GRM5: variants seen among roughly 807,000 people sequenced by gnomAD.
GRM5 encodes metabotropic glutamate receptor 5.
A neutral mutation model predicts 83.1 loss-of-function variants in GRM5; 19 were observed. The observed-to-expected ratio is 0.23, with a 90% CI of 0.16 to 0.34. The LOEUF is 0.34. GRM5 is among the 10% of genes least tolerant of loss of function. The pLI is 1.00. For synonymous variants in GRM5, 675 were observed against 633.6 expected (o/e 1.07, Z -0.98); for missense variants, 1,160 against 1,588.3 (o/e 0.73, Z 4.58).
intron 4 of GRM5, among the ~76,000 whole-genome samples, chr11:88,610,470 A>AT (rs1938283089): frequency 6.6e-6 from 1 of 151,850 alleles, no homozygotes; most frequent in Non-Finnish European, 1.5e-5. Context: ...CCTTATTATT[A>AT]TTTTTGGCTA....
intron 3 of GRM5, among the ~76,000 whole-genome samples, chr11:88,810,577 G>A (rs113144291): frequency 1.3e-5 from 2 of 152,180 alleles, no homozygotes; most frequent in African/African-American, 4.8e-5. Context: ...TAAGCATCCT[G>A]AAGAAGGCAT....
intron 3 of GRM5, among the ~76,000 whole-genome samples, chr11:88,790,354 G>A (rs554041239): frequency 6.6e-6 from 1 of 152,172 alleles, no homozygotes; most frequent in South Asian, 2.1e-4. Context: ...TTTGACTTGA[G>A]TAACATAATT....
chr11:88,605,998 T>G (rs1465832174), intron 4 of GRM5, among the ~76,000 whole-genome samples: 1 of 152,168 alleles, frequency 6.6e-6, no homozygotes, highest in Non-Finnish European at 1.5e-5. Flanking sequence ...CAGGACTGAA[T>G]AGTGAATCAG....
At chr11:89,046,014 A>G (rs1941635109) in intron 2 of GRM5, among the ~76,000 whole-genome samples, 2 of 152,160 alleles carry the variant, frequency 1.3e-5, no homozygotes. Context: ...CTTTAGAGTC[A>G]GATTTGTAAC....
At chr11:88,624,731 G>C (rs957811540) in intron 4 of GRM5, among the ~76,000 whole-genome samples, 1 of 152,142 alleles carries the variant, frequency 6.6e-6, no homozygotes, top group Non-Finnish European at 1.5e-5. Flanking sequence ...CCTTATTGCA[G>C]AAAATTTGCT....
intron 3 of GRM5, among the ~76,000 whole-genome samples, chr11:88,846,909 T>C (rs572643586): frequency 4.3e-4 from 66 of 152,240 alleles, no homozygotes; most frequent in African/African-American, 1.5e-3. Flanking sequence ...TTTAAAAAAA[T>C]AAACTCAGGT....
chr11:89,040,140 T>TA lies in GRM5; in HGVS notation c.661+7071dup, dbSNP rs201655401. On this transcript the variant is annotated intron_variant, in intron 2 of 9. Transcript: ENST00000305447. ...ACATTCTTTGTAGTGCCTGTTTGTATAAAAAAAAAAGATGCAAGGAGTTGA... is the reference window on the plus strand; with the variant it reads ...ACATTCTTTGTAGTGCCTGTTTGTATAAAAAAAAAAAGATGCAAGGAGTTGA... Among the ~76,000 whole-genome samples the TA allele has an allele frequency of 3.3e-3, 493 of 147,456 alleles. 3 individuals carry two copies. Among genetic ancestry groups the TA allele is most frequent in the African/African-American group, 8.9e-3 (358 of 40,434 alleles).
rs192583537 is a variant in GRM5 at position 88,753,580 on chromosome 11, T to G, written c.911+96326A>C. Among the ~76,000 whole-genome samples the G allele has an allele frequency of 1.6e-3, 250 of 152,182 alleles. 2 individuals are homozygous for G. The highest frequency in any genetic ancestry group is 5.4e-3 in the African/African-American group (223 of 41,514). Reference sequence around the variant, plus strand: ...AGCAATCCCATTACTAGGTACATACTCAAAGGAATATAAACCATTATATTA... The same window carrying G: ...AGCAATCCCATTACTAGGTACATACGCAAAGGAATATAAACCATTATATTA... On this transcript the variant is annotated intron_variant, in intron 3 of 9. Coordinates refer to ENST00000305447, the MANE Select transcript of GRM5 (RefSeq NM_001143831.3).
chr11:88,552,694 A>G (rs1942538333), intron 8 of GRM5, among the ~76,000 whole-genome samples: 2 of 152,070 alleles, frequency 1.3e-5, no homozygotes, highest in Non-Finnish European at 1.5e-5. Flanking sequence ...AGGAGGAAAA[A>G]CAGTCCATAG....
At chr11:88,663,764 T>C (rs2135321172) in intron 3 of GRM5, among the ~76,000 whole-genome samples, 1 of 152,298 alleles carries the variant, frequency 6.6e-6, no homozygotes, top group Middle Eastern at 3.4e-3. Flanking sequence ...CTCCTCTTCT[T>C]AATTGCCTCT....
In GRM5 at chr11:89,058,794, G is replaced by C. The variant is rs189527983; in HGVS notation, c.-201+6982C>G. ...AATGAATGTGAGGAGAGTATCCTAC[G>C]ATATACTTCCCGAATTCAAAGGCTG... On this transcript the variant is annotated intron_variant, in intron 1 of 9. Coordinates refer to ENST00000305447, the MANE Select transcript of GRM5 (RefSeq NM_001143831.3). 1.5e-3 allele frequency among the ~76,000 whole-genome samples: 230 copies of C among 152,196 alleles called. 1 individual carries two copies. The highest frequency in any genetic ancestry group is 1.8e-3 in the Non-Finnish European group (120 of 67,998).
intron 2 of GRM5, among the ~76,000 whole-genome samples, chr11:88,930,736 A>G (rs1937676143): frequency 6.6e-6 from 1 of 151,988 alleles, no homozygotes; most frequent in Non-Finnish European, 1.5e-5. Flanking sequence ...TTTAGTAGAG[A>G]TGGGGTTTCA....
At chr11:88,984,116 A>G (rs1418536099) in intron 2 of GRM5, among the ~76,000 whole-genome samples, 1 of 152,088 alleles carries the variant, frequency 6.6e-6, no homozygotes, top group African/African-American at 2.4e-5. Flanking sequence ...GTCTTAATAA[A>G]TTTAGTATGG....
intron 2 of GRM5, among the ~76,000 whole-genome samples, chr11:89,029,838 G>A (rs1941219562): frequency 6.6e-6 from 1 of 152,184 alleles, no homozygotes; most frequent in Non-Finnish European, 1.5e-5. Context: ...CGGTAAGGTG[G>A]TTAGCTGGGT....
chr11:88,659,784 T>C (rs1939857057), intron 3 of GRM5, among the ~76,000 whole-genome samples: 1 of 152,172 alleles, frequency 6.6e-6, no homozygotes, highest in Admixed American at 6.5e-5. Flanking sequence ...ATTACGAAGA[T>C]AAAAGTCTAA....
intron 3 of GRM5, among the ~76,000 whole-genome samples, chr11:88,795,326 A>G (rs1943256635): frequency 6.6e-6 from 1 of 152,194 alleles, no homozygotes; most frequent in African/African-American, 2.4e-5. Flanking sequence ...ATGCTACATA[A>G]TAGTGGCTAC....
rs927592084 is a variant in GRM5 at position 88,854,077 on chromosome 11, T to TATATATATATATATATATAC, written c.662-3923_662-3922insGTATATATATATATATATAT. Among the ~76,000 whole-genome samples, 24 of 149,354 alleles carry TATATATATATATATATATAC rather than the reference T, an allele frequency of 1.6e-4. No individual in the cohort carries two copies. The East Asian group carries it at 2.8e-3, about 17-fold the overall frequency. On this transcript the variant is annotated intron_variant, in intron 2 of 9. Coordinates refer to ENST00000305447, the MANE Select transcript of GRM5 (RefSeq NM_001143831.3). Reference sequence around the variant, plus strand: ...TGTGGTGTATATATATATATATATATACACAATGAAATACTAGTCAGCCTA... The same window carrying TATATATATATATATATATAC: ...TGTGGTGTATATATATATATATATATATATATATATATATATATACACACAATGAAATACTAGTCAGCCTA...
intron 2 of GRM5, among the ~76,000 whole-genome samples, chr11:89,033,279 A>C (rs1941305914): frequency 6.6e-6 from 1 of 151,846 alleles, no homozygotes; most frequent in Non-Finnish European, 1.5e-5. Context: ...AAAATAAAAT[A>C]TGGTTTCCAG....
intron 3 of GRM5, among the ~76,000 whole-genome samples, chr11:88,793,498 G>C (rs1236702952): frequency 6.6e-6 from 1 of 152,064 alleles, no homozygotes; most frequent in African/African-American, 2.4e-5. Flanking sequence ...GTATATTTTT[G>C]CATATTCTGA....
Sources: gnomAD v4.1 joint callset for allele counts (sites outside exome capture counted in the v4.1 genomes callset) on GRCh38, gnomAD v4.1.1 for gene constraint, MANE v1.5 for transcripts, NCBI Gene and HGNC (gene_info 2026-07-23, HGNC 2026-07-21) for gene names.